The following HS6ST3 variants were observed in gnomAD, a reference collection of about 807,000 sequenced individuals.
HS6ST3 encodes the protein heparan-sulfate 6-O-sulfotransferase 3.
A neutral mutation model predicts 36.7 loss-of-function variants in HS6ST3; 12 were observed. That is an observed-to-expected ratio of 0.33 (90% CI 0.21 to 0.53). The LOEUF (loss-of-function observed/expected upper bound fraction) is 0.53, where lower values mean the gene tolerates loss of function less well. HS6ST3 is among the 20% of genes least tolerant of loss of function. HS6ST3 has a pLI of 0.95. For missense variants in HS6ST3, 584 were observed against 640.9 expected, an observed-to-expected ratio of 0.91 and a Z score of 0.96; for synonymous variants, 240 against 257.5, an observed-to-expected ratio of 0.93 and a Z score of 0.65.
At chr13:96,237,634 C>T (rs137935205) in intron 1 of HS6ST3, among the ~76,000 whole-genome samples, 253 of 152,270 alleles carry the variant, frequency 1.7e-3, no homozygotes, top group African/African-American at 4.3e-3. Context: ...AAATTGTCTA[C>T]GTGTGCTGTC....
chr13:96,189,915 G>A (rs558771849), intron 1 of HS6ST3, among the ~76,000 whole-genome samples: 1 of 152,298 alleles, frequency 6.6e-6, no homozygotes, highest in Non-Finnish European at 1.5e-5. Flanking sequence ...GTAGGGCAGG[G>A]ACAGGAGAGT....
At chr13:96,117,336 GA>G (rs2053898520) in intron 1 of HS6ST3, among the ~76,000 whole-genome samples, 1 of 151,942 alleles carries the variant, frequency 6.6e-6, no homozygotes, top group African/African-American at 2.4e-5. Flanking sequence ...TAAAGCAGAA[GA>G]ATAACAAAAA....
intron 1 of HS6ST3, among the ~76,000 whole-genome samples, chr13:96,190,250 G>C (rs1315559780): frequency 1.3e-5 from 2 of 152,160 alleles, no homozygotes; most frequent in South Asian, 2.1e-4. Flanking sequence ...CTAGGTGCCA[G>C]CTCCTTTGCG....
intron 1 of HS6ST3, among the ~76,000 whole-genome samples, chr13:96,576,478 G>C (rs1195869657): frequency 6.6e-6 from 1 of 151,932 alleles, no homozygotes; most frequent in Non-Finnish European, 1.5e-5. Flanking sequence ...AATTATATAG[G>C]TCTACACTCA....
chr13:96,707,030 C>G (rs1242381543), intron 1 of HS6ST3, among the ~76,000 whole-genome samples: 1 of 152,138 alleles, frequency 6.6e-6, no homozygotes, highest in African/African-American at 2.4e-5. Context: ...ACTACAATTT[C>G]TTTGAGTTTA....
rs140368108 is a variant in HS6ST3 at position 96,216,419 on chromosome 13, C to T, written c.707+124850C>T. Among the ~76,000 whole-genome samples the T allele has an allele frequency of 6.3e-4, 96 of 152,284 alleles. 2 individuals carry two copies. In the East Asian group the frequency reaches 0.018, roughly 28 times the overall value. On this transcript the variant is annotated intron_variant, in intron 1 of 1. Transcript: ENST00000376705. ...AAAAGTTTCTTTCCTTCCTGCTCCC[C>T]GCCCACCAATAAATAATATTAGGAG...
At chr13:96,289,759 T>G (rs1421592051) in intron 1 of HS6ST3, among the ~76,000 whole-genome samples, 1 of 152,156 alleles carries the variant, frequency 6.6e-6, no homozygotes, top group South Asian at 2.1e-4. Context: ...GACAGTAGAC[T>G]GGCCATAGCT....
At chr13:96,770,774 T>C (rs1367659363) in intron 1 of HS6ST3, among the ~76,000 whole-genome samples, 1 of 152,236 alleles carries the variant, frequency 6.6e-6, no homozygotes, top group Non-Finnish European at 1.5e-5. Flanking sequence ...GGCCACCCTT[T>C]GTGGGCCTTT....
intron 1 of HS6ST3, among the ~76,000 whole-genome samples, chr13:96,779,026 G>C (rs544050230): frequency 2.0e-5 from 3 of 152,196 alleles, no homozygotes; most frequent in African/African-American, 7.2e-5. Flanking sequence ...GCAGGGACGT[G>C]GATGAAGCTG....
chr13:96,284,497 T>A lies in HS6ST3; in HGVS notation c.707+192928T>A, dbSNP rs572478398. Among the ~76,000 whole-genome samples the A allele has an allele frequency of 2.6e-5, 4 of 152,282 alleles. No homozygotes were observed. In the East Asian group the frequency reaches 7.7e-4, roughly 29 times the overall value. The stretch of plus-strand genomic sequence containing the variant: ...AGGCCAGAGGTCTAAGTCAGTCTAG[T>A]CTTTCCATGTTCTTCTGCCTGCTTT... On this transcript the variant is annotated intron_variant, in intron 1 of 1. Transcript: ENST00000376705.
intron 1 of HS6ST3, among the ~76,000 whole-genome samples, chr13:96,208,438 G>A (rs1047901895): frequency 6.6e-6 from 1 of 152,116 alleles, no homozygotes; most frequent in Non-Finnish European, 1.5e-5. Context: ...CTTTCTGTAG[G>A]ATGAATTATT....
At chr13:96,462,915 A>G (rs543489389) in intron 1 of HS6ST3, among the ~76,000 whole-genome samples, 27 of 152,334 alleles carry the variant, frequency 1.8e-4, no homozygotes, top group Middle Eastern at 3.4e-3. Context: ...TGTAATAACC[A>G]TATTTCCATT....
At chr13:96,654,492 C>T (rs1006164971) in intron 1 of HS6ST3, among the ~76,000 whole-genome samples, 7 of 152,098 alleles carry the variant, frequency 4.6e-5, no homozygotes, top group African/African-American at 1.7e-4. Context: ...TTGTTTTTGT[C>T]AGGTTTGTCA....
Position 96,660,266 on chromosome 13 carries a change from T to G in HS6ST3, c.708-172224T>G, listed in dbSNP as rs538764142. ...GCTATAATTTCAGTACAATAACACCTGCCTCCCAGGATTATTTTAAAAATA... is the reference window on the plus strand; with the variant it reads ...GCTATAATTTCAGTACAATAACACCGGCCTCCCAGGATTATTTTAAAAATA... On this transcript the variant is annotated intron_variant, in intron 1 of 1. Coordinates refer to ENST00000376705, the MANE Select transcript of HS6ST3 (RefSeq NM_153456.4). Among the ~76,000 whole-genome samples the G allele has an allele frequency of 7.9e-5, 12 of 152,206 alleles. No individual in the cohort carries two copies. The East Asian group carries it at 2.3e-3, about 29-fold the overall frequency.
chr13:96,743,533 A>G (rs983948405), intron 1 of HS6ST3, among the ~76,000 whole-genome samples: 1 of 152,014 alleles, frequency 6.6e-6, no homozygotes, highest in Admixed American at 6.6e-5. Flanking sequence ...GAAATCCCAT[A>G]ATGACAGTAG....
intron 1 of HS6ST3, among the ~76,000 whole-genome samples, chr13:96,778,653 T>C (rs890889128): frequency 6.6e-6 from 1 of 152,110 alleles, no homozygotes; most frequent in African/African-American, 2.4e-5. Context: ...TGGTGATCAT[T>C]AAAAAGTCAG....
At chr13:96,498,568 T>C (rs962866023) in intron 1 of HS6ST3, among the ~76,000 whole-genome samples, 5 of 152,164 alleles carry the variant, frequency 3.3e-5, no homozygotes, top group Non-Finnish European at 5.9e-5. Context: ...TTCAATTTCC[T>C]GTATAGAATT....
intron 1 of HS6ST3, among the ~76,000 whole-genome samples, chr13:96,607,391 C>T (rs2056442864): frequency 6.6e-6 from 1 of 152,188 alleles, no homozygotes. Flanking sequence ...CACAAGAAAA[C>T]TGTCCACAAC....
At position 96,832,668 on chromosome 13, in the gene HS6ST3, C is replaced by T. The variant is rs150881911; in HGVS notation, c.886C>T (p.Arg296Trp). 1.8e-4 allele frequency: 296 copies of T among 1,613,984 alleles called. No individual in the cohort carries two copies. In the African/African-American group the frequency reaches 1.9e-3, roughly 11 times the overall value. The change falls in exon 2 of 2, where the codon CGG (arginine) becomes TGG (tryptophan). Residue 296 changes from arginine (R) to tryptophan (W), a missense_variant. Coordinates refer to ENST00000376705, the MANE Select transcript of HS6ST3 (RefSeq NM_153456.4). ...PGDDWSGVSL[R>W]EFMDCTYNLA... Reference sequence around the variant, plus strand: ...GGATGACTGGTCTGGGGTCAGCTTGCGGGAGTTTATGGATTGCACCTACAA... The same window carrying T: ...GGATGACTGGTCTGGGGTCAGCTTGTGGGAGTTTATGGATTGCACCTACAA...
Sources: allele counts gnomAD v4.1 joint callset (sites outside exome capture counted in the v4.1 genomes callset), GRCh38; gene constraint gnomAD v4.1.1; transcripts MANE v1.5; gene names NCBI Gene and HGNC (gene_info 2026-07-23, HGNC 2026-07-21).